ZFHX3: variants seen among roughly 807,000 people sequenced by gnomAD.
The protein encoded by ZFHX3 is zinc finger homeobox 3, also known as zinc finger homeobox protein 3.
In ZFHX3, 42 loss-of-function variants were observed where a neutral mutation model predicts 279.1. The ratio of observed to expected loss-of-function variants is 0.15; its 90% CI spans 0.12 to 0.19. The LOEUF is 0.19. ZFHX3 is among the 10% of genes least tolerant of loss of function. The pLI is 1.00. For missense variants in ZFHX3, 4,981 were observed against 4,754.0 expected (o/e 1.05, Z -1.40); for synonymous variants, 2,293 against 1,957.8 (o/e 1.17, Z -4.52).
intron 2 of ZFHX3, chr16:73,558,275 A>T (rs943535457): frequency 1.3e-5 from 2 of 152,222 alleles, no homozygotes; most frequent in African/African-American, 4.8e-5. Context: ...CAGCCCACTG[A>T]ATAACAGGTT....
chr16:73,886,963 G>A (rs2030366781), intron 1 of ZFHX3, among the ~76,000 whole-genome samples: 1 of 152,118 alleles, frequency 6.6e-6, no homozygotes, highest in Non-Finnish European at 1.5e-5. Flanking sequence ...TAAGCCCTTA[G>A]GTGATGAGAA....
intron 2 of ZFHX3, among the ~76,000 whole-genome samples, chr16:73,527,004 A>G (rs1367396211): frequency 6.6e-6 from 1 of 152,082 alleles, no homozygotes; most frequent in Non-Finnish European, 1.5e-5. Context: ...ATAAGAGACA[A>G]CTAGTTTGAG....
chr16:73,074,671 A>G (rs1965865537), intron 8 of ZFHX3, among the ~76,000 whole-genome samples: 1 of 150,684 alleles, frequency 6.6e-6, no homozygotes, highest in Admixed American at 6.6e-5. Context: ...TTCTGGGCAT[A>G]CAGACATGCT....
intron 2 of ZFHX3, among the ~76,000 whole-genome samples, chr16:73,623,246 A>G (rs377386159): frequency 2.6e-5 from 4 of 152,008 alleles, no homozygotes; most frequent in African/African-American, 9.7e-5. Context: ...CCATGTTAGC[A>G]AGGATGGTCT....
At chr16:73,642,432 G>T (rs1205719768) in intron 2 of ZFHX3, among the ~76,000 whole-genome samples, 1 of 152,196 alleles carries the variant, frequency 6.6e-6, no homozygotes, top group Non-Finnish European at 1.5e-5. Flanking sequence ...CCTCCATGGG[G>T]AAGGTATATA....
At chr16:73,458,523 C>T (rs891814977) in intron 2 of ZFHX3, among the ~76,000 whole-genome samples, 2 of 152,042 alleles carry the variant, frequency 1.3e-5, no homozygotes, top group African/African-American at 4.8e-5. Context: ...TTGCAGGAAC[C>T]TGCCACCACA....
chr16:73,792,311 C>T (rs1438892840), intron 1 of ZFHX3, among the ~76,000 whole-genome samples: 2 of 152,096 alleles, frequency 1.3e-5, no homozygotes, highest in Admixed American at 6.5e-5. Flanking sequence ...CCAGGGGCGG[C>T]GACCATGTGA....
intron 6 of ZFHX3, among the ~76,000 whole-genome samples, chr16:73,132,373 T>C (rs987148591): frequency 1.3e-5 from 2 of 152,140 alleles, no homozygotes; most frequent in Non-Finnish European, 1.5e-5. Context: ...GAGAAAACTT[T>C]ATGGTGTCAG....
chr16:73,349,730 TCTCCC>T (rs2016198522), intron 3 of ZFHX3, among the ~76,000 whole-genome samples: 1 of 57,902 alleles, frequency 1.7e-5, no homozygotes, highest in African/African-American at 1.1e-4. Context: ...CCTCTCTCCC[TCTCCC>T]TTCCTTCCCT....
intron 3 of ZFHX3, among the ~76,000 whole-genome samples, chr16:72,939,791 G>A (rs1233429711): frequency 6.6e-6 from 1 of 152,176 alleles, no homozygotes; most frequent in African/African-American, 2.4e-5. Flanking sequence ...GGGAGGCTGA[G>A]GCAGGAGAAT....
At chr16:73,451,926 G>T (rs2018287171) in intron 3 of ZFHX3, among the ~76,000 whole-genome samples, 1 of 152,158 alleles carries the variant, frequency 6.6e-6, no homozygotes, top group East Asian at 1.9e-4. Flanking sequence ...TTTTGCTTAA[G>T]TTGCCATGGA....
intron 3 of ZFHX3, among the ~76,000 whole-genome samples, chr16:73,384,181 A>G (rs532282745): frequency 6.6e-6 from 1 of 152,302 alleles, no homozygotes; most frequent in East Asian, 1.9e-4. Context: ...TCTGGCCTGC[A>G]CCCTGTTTTT....
At chr16:73,380,611 A>G (rs868037720) in intron 3 of ZFHX3, among the ~76,000 whole-genome samples, 1 of 152,242 alleles carries the variant, frequency 6.6e-6, no homozygotes, top group South Asian at 2.1e-4. Context: ...TTCACTCTCT[A>G]CTAGCATTAA....
Position 73,326,444 on chromosome 16 carries a change from T to C in ZFHX3, c.-1290-8108A>G, listed in dbSNP as rs531641017. Among the ~76,000 whole-genome samples, 101 of 152,330 alleles carry C rather than the reference T, an allele frequency of 6.6e-4. No homozygotes were observed. The South Asian group carries it at 1.0e-2, about 15-fold the overall frequency. ...AAACTGAAGTTGTAAAGGAATGTAG[T>C]TCTGACACATACCACAAAGAGGACG... is the stretch of plus-strand genomic sequence containing the variant. On this transcript the variant is annotated intron_variant, in intron 3 of 17. Coordinates refer to the ZFHX3 transcript ENST00000641206.
At chr16:73,732,427 G>A (rs1257481951) in intron 1 of ZFHX3, among the ~76,000 whole-genome samples, 1 of 152,204 alleles carries the variant, frequency 6.6e-6, no homozygotes, top group East Asian at 1.9e-4. Flanking sequence ...TTGCCTTTGA[G>A]TAGGGTGGCC....
chr16:73,735,219 A>C (rs887982270), intron 1 of ZFHX3, among the ~76,000 whole-genome samples: 13 of 152,220 alleles, frequency 8.5e-5, no homozygotes, highest in African/African-American at 3.1e-4. Context: ...CCCACAGCTG[A>C]AAGTATTTGG....
At chr16:72,864,903 G>A (rs1325213826) in intron 4 of ZFHX3, among the ~76,000 whole-genome samples, 1 of 152,178 alleles carries the variant, frequency 6.6e-6, no homozygotes, top group Non-Finnish European at 1.5e-5. Context: ...GATGCCACCT[G>A]AAAAATGAGA....
intron 2 of ZFHX3, among the ~76,000 whole-genome samples, chr16:73,628,562 C>T (rs1036089319): frequency 4.6e-5 from 7 of 152,178 alleles, no homozygotes; most frequent in Admixed American, 1.3e-4. Context: ...TTTACTACCA[C>T]GCTCTGGGCC....
chr16:73,441,347 C>A (rs1160657187), intron 3 of ZFHX3, among the ~76,000 whole-genome samples: 1 of 152,008 alleles, frequency 6.6e-6, no homozygotes, highest in Non-Finnish European at 1.5e-5. Flanking sequence ...CCCTCCTAAC[C>A]TTTGTCTAAA....
Sources: gnomAD v4.1 joint callset for allele counts (sites outside exome capture counted in the v4.1 genomes callset) on GRCh38, gnomAD v4.1.1 for gene constraint, MANE v1.5 for transcripts, NCBI Gene and HGNC (gene_info 2026-07-23, HGNC 2026-07-21) for gene names.